ULK2: variants seen among roughly 807,000 people sequenced by gnomAD.
ULK2 encodes unc-51 like autophagy activating kinase 2.
A neutral mutation model predicts 127.5 loss-of-function variants in ULK2; 76 were observed. That is an observed-to-expected ratio of 0.60 (90% CI 0.50 to 0.72). The LOEUF (loss-of-function observed/expected upper bound fraction) is 0.72, where lower values mean the gene tolerates loss of function less well. Among genes scored for constraint, ULK2 ranks in the 30% least tolerant of loss-of-function variants. ULK2 has a pLI of 0.00. For synonymous variants in ULK2, 452 were observed against 461.9 expected, an observed-to-expected ratio of 0.98 and a Z score of 0.28; for missense variants, 1,144 against 1,295.9, an observed-to-expected ratio of 0.88 and a Z score of 1.80.
In ULK2 at chr17:19,804,579, T is replaced by C. The variant is rs527571572; in HGVS notation, c.1295+114A>G. ...TATTATTCAATTTTGTGCGTTCCCA[T>C]TATACACACATGTAAGACACTATGC... On this transcript the variant is annotated intron_variant, in intron 15 of 26. Coordinates refer to ENST00000395544, the MANE Select transcript of ULK2 (RefSeq NM_014683.4). 1.6e-3 allele frequency: 1,893 copies of C among 1,155,022 alleles called. 16 individuals are homozygous for C. The highest frequency in any genetic ancestry group is 0.012 in the South Asian group (509 of 42,740). 71.5% of individuals were successfully genotyped at this position (1,155,022 alleles called of 1,614,324 possible).
chr17:19,786,183 C>A, intron 20 of ULK2, 97 bp from the exon 21 acceptor site: 5 of 1,170,328 alleles, frequency 4.3e-6, no homozygotes, highest in Non-Finnish European at 4.6e-6. Flanking sequence ...TATCAGGAGT[C>A]TAGTGGTTTT....
intron 3 of ULK2, among the ~76,000 whole-genome samples, chr17:19,856,481 C>CCTT (rs1396867717): frequency 1.3e-5 from 2 of 151,278 alleles, no homozygotes; most frequent in Non-Finnish European, 2.9e-5. Flanking sequence ...ACTCAGGAGG[C>CCTT]TAAGGCAGGA....
intron 3 of ULK2, among the ~76,000 whole-genome samples, chr17:19,859,203 G>GT (rs1376298168): frequency 3.3e-5 from 5 of 151,818 alleles, no homozygotes; most frequent in African/African-American, 1.2e-4. Context: ...TTTTAAAAAG[G>GT]TCACTACTGG....
chr17:19,786,436 A>G (rs169512), intron 20 of ULK2, among the ~76,000 whole-genome samples: 146,214 of 152,198 alleles, frequency 0.96, 70,427 homozygotes, highest in African/African-American at 0.99. Flanking sequence ...AAACTAGGGT[A>G]GGTGTGGTGG....
At chr17:19,846,178 C>T (rs2041877163) in intron 6 of ULK2, among the ~76,000 whole-genome samples, 1 of 152,024 alleles carries the variant, frequency 6.6e-6, no homozygotes. Flanking sequence ...CCAGTAAGCA[C>T]ACCACATCAA....
intron 21 of ULK2, 39 bp downstream of exon 21, chr17:19,785,898 A>C (rs1022605919): frequency 1.3e-6 from 2 of 1,586,252 alleles, no homozygotes; most frequent in Non-Finnish European, 1.7e-6. Context: ...TACATTCCAA[A>C]TACTAGCCAA....
In ULK2 at chr17:19,859,559, T is replaced by C. The variant is rs138465746; in HGVS notation, c.225+5244A>G. ...ATATCTTTGACCAAGCAATTCCACT[T>C]CAAGGAATTTATTCTACAGGAACAC... On this transcript the variant is annotated intron_variant, in intron 3 of 26. Coordinates refer to ENST00000395544, the MANE Select transcript of ULK2 (RefSeq NM_014683.4). Among the ~76,000 whole-genome samples the C allele has an allele frequency of 8.7e-3, 1,330 of 152,286 alleles. 19 individuals carry two copies. Among genetic ancestry groups the C allele is most frequent in the African/African-American group, 0.03 (1,250 of 41,560 alleles).
chr17:19,858,529 C>T (rs1258206247), intron 3 of ULK2, among the ~76,000 whole-genome samples: 1 of 152,170 alleles, frequency 6.6e-6, no homozygotes, highest in African/African-American at 2.4e-5. Context: ...ATCTCATTAA[C>T]CAGCTCAAGA....
intron 10 of ULK2, among the ~76,000 whole-genome samples, chr17:19,831,011 A>T (rs1367947213): frequency 7.1e-6 from 1 of 140,110 alleles, no homozygotes; most frequent in Admixed American, 7.7e-5. Context: ...TGGGTGACAG[A>T]GCAAGACTCC....
intron 10 of ULK2, among the ~76,000 whole-genome samples, chr17:19,833,582 C>T (rs1326439269): frequency 6.6e-6 from 1 of 151,876 alleles, no homozygotes; most frequent in Non-Finnish European, 1.5e-5. Context: ...TGGTGGTGGG[C>T]GCCTGTAGTC....
At chr17:19,785,661 TTATAC>T (rs2087012745) in intron 21 of ULK2, among the ~76,000 whole-genome samples, 1 of 152,018 alleles carries the variant, frequency 6.6e-6, no homozygotes, top group African/African-American at 2.4e-5. Context: ...GAAGTCATAT[TTATAC>T]TATATGTCAT....
chr17:19,807,329 G>A (rs1375529150), intron 14 of ULK2, among the ~76,000 whole-genome samples: 1 of 152,118 alleles, frequency 6.6e-6, no homozygotes, highest in African/African-American at 2.4e-5. Context: ...CATGTAAAGG[G>A]AAGCAATCAG....
At chr17:19,835,209 G>A (rs1324099490) in intron 10 of ULK2, among the ~76,000 whole-genome samples, 1 of 150,616 alleles carries the variant, frequency 6.6e-6, no homozygotes, top group African/African-American at 2.4e-5. Flanking sequence ...GAGTGTAGTG[G>A]CGCGATCTTG....
In ULK2 at chr17:19,838,015, C is replaced by T. The variant is rs542834065; in HGVS notation, c.787+486G>A. 3.9e-5 allele frequency among the ~76,000 whole-genome samples: 6 copies of T among 152,328 alleles called. No homozygotes were observed. The South Asian group carries it at 1.2e-3, about 32-fold the overall frequency. On this transcript the variant is annotated intron_variant, in intron 10 of 26. Coordinates refer to ENST00000395544, the MANE Select transcript of ULK2 (RefSeq NM_014683.4). ...GCCTTCTAGTTGTTCCTCAAGCTTA[C>T]AGGCATGCTCCCAGCCCTCATCATT...
intron 21 of ULK2, among the ~76,000 whole-genome samples, chr17:19,784,987 G>A (rs2086997636): frequency 6.6e-6 from 1 of 151,554 alleles, no homozygotes; most frequent in Admixed American, 6.6e-5. Flanking sequence ...TATTAACCTG[G>A]TCTCTTGATC....
At chr17:19,803,118 A>G (rs2087435557) in intron 15 of ULK2, among the ~76,000 whole-genome samples, 1 of 152,184 alleles carries the variant, frequency 6.6e-6, no homozygotes, top group South Asian at 2.1e-4. Context: ...ATTTTTGACA[A>G]AATAGCTGCT....
intron 12 of ULK2, among the ~76,000 whole-genome samples, chr17:19,820,452 C>T (rs1229256408): frequency 6.6e-6 from 1 of 152,152 alleles, no homozygotes; most frequent in Non-Finnish European, 1.5e-5. Flanking sequence ...CTTCACCCAT[C>T]ACCAATGCTC....
intron 13 of ULK2, chr17:19,816,537 T>C (rs1359262747): frequency 5.6e-6 from 2 of 357,548 alleles, no homozygotes; most frequent in Non-Finnish European, 9.8e-6. Context: ...AAAGTTTTCA[T>C]GTACCTTCAG....
intron 5 of ULK2, among the ~76,000 whole-genome samples, chr17:19,847,287 A>G (rs1373713500): frequency 6.6e-6 from 1 of 152,180 alleles, no homozygotes; most frequent in Non-Finnish European, 1.5e-5. Context: ...AATATCTGGA[A>G]TAAGTGTCCA....
Sources: allele counts gnomAD v4.1 joint callset (sites outside exome capture counted in the v4.1 genomes callset), GRCh38; gene constraint gnomAD v4.1.1; transcripts MANE v1.5; gene names NCBI Gene and HGNC (gene_info 2026-07-23, HGNC 2026-07-21).